The following NCOR2 variants were observed in gnomAD, a reference collection of about 807,000 sequenced individuals.
NCOR2 encodes the protein nuclear receptor corepressor 2, also known as CTG repeat protein 26.
A neutral mutation model predicts 262.9 loss-of-function variants in NCOR2; 81 were observed. The ratio of observed to expected loss-of-function variants is 0.31; its 90% confidence interval spans 0.26 to 0.37. The LOEUF (loss-of-function observed/expected upper bound fraction) is 0.37, where lower values mean the gene tolerates loss of function less well. Among genes scored for constraint, NCOR2 ranks in the 10% least tolerant of loss-of-function variants. NCOR2 has a pLI of 1.00. For missense variants in NCOR2, 3,385 were observed against 3,621.4 expected (o/e 0.93, Z 1.68); for synonymous variants, 1,659 against 1,559.3 (o/e 1.06, Z -1.51).
chr12:124,430,868 GCAGA>G lies in NCOR2; in HGVS notation c.883-85_883-82del, dbSNP rs1375032452. On this transcript the variant is annotated intron_variant, in intron 8 of 46. Coordinates refer to ENST00000405201, the Ensembl canonical transcript of NCOR2. Reference sequence around the variant, plus strand: ...CTCCCCCCTGCCCACTCACATGCAGGCAGACACACAGGTGCGTGCGCACACACAC... The same window carrying G: ...CTCCCCCCTGCCCACTCACATGCAGGCACACAGGTGCGTGCGCACACACAC... The G allele has an allele frequency of 1.6e-5, 24 of 1,510,912 alleles. No homozygotes were observed. In the East Asian group the frequency reaches 5.2e-4, roughly 33 times the overall value. The allele number at this position is 1,510,912 out of a possible 1,614,324, so 93.6% of individuals were successfully genotyped here.
chr12:124,427,233 C>T (rs2043602640), intron 10 of NCOR2, among the ~76,000 whole-genome samples: 2 of 152,168 alleles, frequency 1.3e-5, no homozygotes, highest in African/African-American at 4.8e-5. Flanking sequence ...ATGCAGGCAG[C>T]CCAGGGGCGC....
At chr12:124,325,072 C>T (rs2034519168) in exon 47 of NCOR2, 1 of 227,886 alleles carries the variant, frequency 4.4e-6, no homozygotes, top group South Asian at 1.7e-4. Flanking sequence ...GCGTGGTCAT[C>T]CTGCTTTGGG....
intron 2 of NCOR2, among the ~76,000 whole-genome samples, chr12:124,485,502 G>A (rs1464266308): frequency 2.0e-5 from 3 of 152,230 alleles, no homozygotes; most frequent in Admixed American, 6.5e-5. Context: ...CCCTGCGGAC[G>A]CCCTGACTTC....
chr12:124,372,009 G>C lies in NCOR2; in HGVS notation c.2807+13C>G. 6.4e-7 allele frequency: 1 copy of C among 1,574,196 alleles called. No individual in the cohort carries two copies. The highest frequency in any genetic ancestry group is 8.6e-7 in the Non-Finnish European group (1 of 1,161,710). On this transcript the variant is annotated intron_variant, in intron 20 of 46. Coordinates refer to ENST00000405201, the Ensembl canonical transcript of NCOR2. ...ACAAAAGCCAAGGTTAGGGCTGCCTGGCGCCCACTCACCGGTTCTTGTCGC... is the reference window on the plus strand; with the variant it reads ...ACAAAAGCCAAGGTTAGGGCTGCCTCGCGCCCACTCACCGGTTCTTGTCGC...
In NCOR2 at chr12:124,480,159, G is replaced by C. The variant is rs548898950; in HGVS notation, c.411+3437C>G. 2.0e-5 allele frequency among the ~76,000 whole-genome samples: 3 copies of C among 152,298 alleles called. No homozygotes were observed. The South Asian group carries it at 6.2e-4, about 32-fold the overall frequency. On this transcript the variant is annotated intron_variant, in intron 3 of 46. Transcript: ENST00000405201. ...AAAGGGGACCCTGTAGGCCTGAGTG[G>C]CCACTTCCCTCCCCGGGGCTGTCTC...
chr12:124,341,728 C>A, intron 34 of NCOR2, 95 bp downstream of exon 36: 4 of 1,509,860 alleles, frequency 2.6e-6, no homozygotes, highest in Non-Finnish European at 3.5e-6. Context: ...CACAAGGTGA[C>A]CAGGTCTAGC....
chr12:124,390,594 A>G (rs1432097467), intron 16 of NCOR2, among the ~76,000 whole-genome samples: 2 of 151,868 alleles, frequency 1.3e-5, no homozygotes, highest in Admixed American at 6.6e-5. Context: ...CCTGCTGAGC[A>G]CCCTGGGCAT....
intron 5 of NCOR2, among the ~76,000 whole-genome samples, chr12:124,459,263 G>A (rs1220865347): frequency 6.6e-6 from 1 of 152,056 alleles, no homozygotes; most frequent in Non-Finnish European, 1.5e-5. Context: ...GAAACTACAC[G>A]GCCACACAGC....
intron 13 of NCOR2, among the ~76,000 whole-genome samples, chr12:124,419,631 C>A (rs1395945004): frequency 6.6e-6 from 1 of 152,226 alleles, no homozygotes; most frequent in Non-Finnish European, 1.5e-5. Flanking sequence ...TGGAATGTAG[C>A]CTTTTTACGC....
At chr12:124,339,897 A>ACCCCCCCCCCCCCC in intron 37 of NCOR2, 109 bp downstream of exon 39, 1 of 176,240 alleles carries the variant, frequency 5.7e-6, no homozygotes. Flanking sequence ...ACATCTGCCC[A>ACCCCCCCCCCCCCC]CCCACCCACC....
In NCOR2 at chr12:124,483,427, C is replaced by T. The variant is rs2136798534; in HGVS notation, c.411+169G>A. Among the ~76,000 whole-genome samples, 1 of 152,300 alleles carries T rather than the reference C, an allele frequency of 6.6e-6. No individual in the cohort carries two copies. Among genetic ancestry groups the T allele is most frequent in the East Asian group, 1.9e-4 (1 of 5,174 alleles). On this transcript the variant is annotated intron_variant, in intron 3 of 46. Transcript: ENST00000405201. This position sits in a 1 kb window ranked among gnomAD's most constrained non-coding sequence, Gnocchi z 6.3. ...CTCTGGCACCTCCAGAGACCCAGCG[C>T]CTGCCCTCTTCCTGCCACCCAGCTC...
intron 43 of NCOR2, chr12:124,331,949 TCATACCCAGCAAC>T (rs1322304590): frequency 1.2e-5 from 3 of 245,408 alleles, no homozygotes; most frequent in Non-Finnish European, 2.4e-5. Context: ...AGTGGGGCGT[TCATACCCAGCAAC>T]CACGTCAATG....
chr12:124,328,590 CTG>C (rs2034899814), intron 44 of NCOR2: 1 of 153,118 alleles, frequency 6.5e-6, no homozygotes, highest in Non-Finnish European at 1.5e-5. Flanking sequence ...CCCAGAGGTG[CTG>C]TCTTTTCAGA....
intron 24 of NCOR2, 52 bp from the exon 27 acceptor site, chr12:124,354,991 A>G (rs1481638897): frequency 2.0e-6 from 3 of 1,501,674 alleles, no homozygotes; most frequent in Non-Finnish European, 2.7e-6. Flanking sequence ...CCTCCCCCAC[A>G]GTCCAGAGTG....
Position 124,340,601 on chromosome 12 carries a change from C to A in NCOR2, c.5338+1G>T. ...CACCCCAGACTGGGCAGTGGCGCTA[C>A]CTGGGGAGAGTGGGGAGCTGCTGTG... On this transcript the variant is annotated splice_donor_variant, in intron 35 of 46. Coordinates refer to ENST00000405201, the Ensembl canonical transcript of NCOR2. LOFTEE classifies it high-confidence loss of function. The A allele has an allele frequency of 6.7e-7, 1 of 1,500,424 alleles. No homozygotes were observed. The highest frequency in any genetic ancestry group is 8.8e-7 in the Non-Finnish European group (1 of 1,130,568). 92.9% of individuals were successfully genotyped at this position (1,500,424 alleles called of 1,614,324 possible). A position where few individuals can be genotyped will look rare whatever the true frequency, so the allele number is the denominator to read the frequency against.
exon 14 of NCOR2, chr12:124,402,541 CTGCTGCTGTTGT>C (rs1377453932): frequency 1.9e-5 from 30 of 1,570,990 alleles, no homozygotes; most frequent in Non-Finnish European, 2.5e-5. Flanking sequence ...GCTGCTGCTG[CTGCTGCTGTTGT>C]TGCTGCTGCT....
chr12:124,338,962 C>T (rs965331132), intron 37 of NCOR2, among the ~76,000 whole-genome samples: 1 of 142,600 alleles, frequency 7.0e-6, no homozygotes, highest in Non-Finnish European at 1.5e-5. Flanking sequence ...CACCCACCTA[C>T]CTCCCTAACC....
intron 7 of NCOR2, among the ~76,000 whole-genome samples, chr12:124,438,876 A>AG (rs2044586344): frequency 1.2e-3 from 2 of 1,734 alleles, no homozygotes; most frequent in African/African-American, 2.5e-3. Flanking sequence ...GAGACAGAGG[A>AG]AGACAGAGAC....
intron 21 of NCOR2, among the ~76,000 whole-genome samples, chr12:124,363,336 T>C (rs944337062): frequency 6.6e-6 from 1 of 152,186 alleles, no homozygotes. Flanking sequence ...TCAGAACTGG[T>C]AGGCCACCCT....
Sources: allele counts gnomAD v4.1 joint callset (sites outside exome capture counted in the v4.1 genomes callset), GRCh38; gene constraint gnomAD v4.1.1; non-coding constraint Gnocchi (gnomAD v3.1); transcripts MANE v1.5; gene names NCBI Gene and HGNC (gene_info 2026-07-23, HGNC 2026-07-21).